FILIP1: variants seen among roughly 807,000 people sequenced by gnomAD.
FILIP1 encodes filamin-A-interacting protein 1.
In FILIP1, 61 loss-of-function variants were observed where a neutral mutation model predicts 102.1. The ratio of observed to expected loss-of-function variants is 0.60; its 90% confidence interval spans 0.49 to 0.74. FILIP1 has a LOEUF of 0.74. Ranked by LOEUF, FILIP1 falls within the 30% of genes least tolerant of loss-of-function variation. The pLI is 0.00. For synonymous variants in FILIP1, 491 were observed against 526.9 expected, an observed-to-expected ratio of 0.93 and a Z score of 0.93; for missense variants, 1,314 against 1,441.2, an observed-to-expected ratio of 0.91 and a Z score of 1.43.
chr6:75,399,426 G>C (rs990599598), intron 2 of FILIP1: 2 of 152,152 alleles, frequency 1.3e-5, no homozygotes, highest in African/African-American at 2.4e-5. Flanking sequence ...GGACTGCTAA[G>C]ACAATAGCAG....
intron 2 of FILIP1, among the ~76,000 whole-genome samples, chr6:75,365,513 A>G (rs575559030): frequency 1.3e-5 from 2 of 152,268 alleles, no homozygotes; most frequent in East Asian, 3.9e-4. Context: ...CAGCCTCCTG[A>G]GTAGCTGGGA....
chr6:75,472,504 T>A (rs150470084), intron 1 of FILIP1, among the ~76,000 whole-genome samples: 1 of 152,122 alleles, frequency 6.6e-6, no homozygotes, highest in Admixed American at 6.6e-5. Flanking sequence ...TGTGATAAGA[T>A]GTTAAAGGAC....
chr6:75,362,873 C>T lies in FILIP1; in HGVS notation c.321G>A (p.Lys107=), dbSNP rs150082742. The T allele has an allele frequency of 1.2e-6, 2 of 1,613,858 alleles. No individual in the cohort carries two copies. The highest frequency in any genetic ancestry group is 1.3e-5 in the African/African-American group (1 of 74,906). Residue 107 remains lysine (K), a synonymous_variant, in exon 3 of 6, where the codon AAG becomes AAA. Coordinates refer to ENST00000237172, the MANE Select transcript of FILIP1 (RefSeq NM_015687.5). ...CGTAATGAGCCTCCAGAACCTCAGG[C>T]TTGGTTTTCTCTGTCTTCAGCATGT... ...VIHMLKTEKT[K]PEVLEAHYGS... is the part of the protein sequence containing the mutation.
At chr6:75,477,680 A>T (rs1779521445) in intron 1 of FILIP1, among the ~76,000 whole-genome samples, 1 of 152,180 alleles carries the variant, frequency 6.6e-6, no homozygotes. Context: ...GAAGTTGAGT[A>T]CAAGGCCTAA....
intron 1 of FILIP1, among the ~76,000 whole-genome samples, chr6:75,447,751 C>T (rs763987010): frequency 1.1e-4 from 16 of 151,998 alleles, no homozygotes; most frequent in Non-Finnish European, 2.2e-4. Context: ...TTTCAGTGTG[C>T]CCTTAGCTAA....
At chr6:75,460,313 A>G (rs1441246189) in intron 1 of FILIP1, among the ~76,000 whole-genome samples, 1 of 152,258 alleles carries the variant, frequency 6.6e-6, no homozygotes, top group Admixed American at 6.5e-5. Context: ...AGAATTTAGT[A>G]GCACTCTGAA....
intron 1 of FILIP1, among the ~76,000 whole-genome samples, chr6:75,476,781 A>C (rs973412525): frequency 6.6e-6 from 1 of 152,200 alleles, no homozygotes; most frequent in Non-Finnish European, 1.5e-5. Flanking sequence ...CATAGTAGAC[A>C]CTATTCCTCC....
intron 6 of FILIP1, chr6:75,296,977 G>C (rs1772699912): frequency 6.6e-6 from 1 of 152,058 alleles, no homozygotes; most frequent in African/African-American, 2.4e-5. Context: ...TACTGTGCTA[G>C]GTAGGCATGG....
chr6:75,491,533 G>A (rs1779957570), intron 1 of FILIP1, among the ~76,000 whole-genome samples: 1 of 152,158 alleles, frequency 6.6e-6, no homozygotes, highest in Non-Finnish European at 1.5e-5. Context: ...GTAGGAGGGA[G>A]CAGCATTGTT....
At position 75,484,192 on chromosome 6, in the gene FILIP1, G is replaced by A. The variant is rs1779721551; in HGVS notation, c.-7+9222C>T. Among the ~76,000 whole-genome samples the A allele has an allele frequency of 3.9e-5, 6 of 152,148 alleles. No homozygotes were observed. The South Asian group carries it at 1.2e-3, about 32-fold the overall frequency. On this transcript the variant is annotated intron_variant, in intron 1 of 5. Coordinates refer to ENST00000237172, the MANE Select transcript of FILIP1 (RefSeq NM_015687.5). ...AGTCAAGATCTTAAAAGTAAGCCAG[G>A]CAACGATCCTGAGTGTCAGTTCTCT...
chr6:75,395,923 T>C (rs907505357), intron 2 of FILIP1, among the ~76,000 whole-genome samples: 1 of 152,076 alleles, frequency 6.6e-6, no homozygotes, highest in African/African-American at 2.4e-5. Context: ...TATGGAGAGT[T>C]GCCTTCTTTA....
intron 1 of FILIP1, among the ~76,000 whole-genome samples, chr6:75,463,136 GTC>G (rs1779071492): frequency 6.6e-6 from 1 of 152,194 alleles, no homozygotes; most frequent in South Asian, 2.1e-4. Context: ...GGGCCAAAGA[GTC>G]TGAGTTTAGT....
In FILIP1 at chr6:75,445,234, T is replaced by G. The variant is rs187114416; in HGVS notation, c.-6-30256A>C. 5.3e-4 allele frequency among the ~76,000 whole-genome samples: 80 copies of G among 152,212 alleles called. 1 individual carries two copies. Among genetic ancestry groups the G allele is most frequent in the African/African-American group, 1.8e-3 (74 of 41,520 alleles). On this transcript the variant is annotated intron_variant, in intron 1 of 5. Coordinates refer to ENST00000237172, the MANE Select transcript of FILIP1 (RefSeq NM_015687.5). ...CAATTCTCTGCTCAAGATTCTTGAG[T>G]CATTTGCCAAGATTCTTTGAGCTAT...
downstream of FILIP1, among the ~76,000 whole-genome samples, chr6:75,304,996 G>C (rs1772940579): frequency 6.6e-6 from 1 of 152,212 alleles, no homozygotes; most frequent in South Asian, 2.1e-4. Context: ...AGTAGCTACA[G>C]AGGACTGCAT....
At chr6:75,319,348 A>T (rs146061302) in intron 4 of FILIP1, 55 of 637,284 alleles carry the variant, frequency 8.6e-5, no homozygotes, top group African/African-American at 7.5e-4. Flanking sequence ...TACTCAGAGC[A>T]GAACATGAAA....
chr6:75,300,236 T>A (rs1442331716), intron 6 of FILIP1, among the ~76,000 whole-genome samples: 1 of 152,184 alleles, frequency 6.6e-6, no homozygotes, highest in African/African-American at 2.4e-5. Context: ...TAACAAGACG[T>A]TACATCAGCA....
chr6:75,434,670 A>G (rs547089581), intron 1 of FILIP1, among the ~76,000 whole-genome samples: 9 of 152,204 alleles, frequency 5.9e-5, no homozygotes, highest in African/African-American at 1.7e-4. Context: ...CTAATTGAAT[A>G]CTCTTTATTT....
chr6:75,417,461 G>A (rs1309443584), intron 1 of FILIP1, among the ~76,000 whole-genome samples: 2 of 152,148 alleles, frequency 1.3e-5, no homozygotes, highest in African/African-American at 2.4e-5. Context: ...GAATAACTAA[G>A]TCTGCTATAA....
At chr6:75,437,683 A>G (rs1318631688) in intron 1 of FILIP1, among the ~76,000 whole-genome samples, 13 of 152,244 alleles carry the variant, frequency 8.5e-5, no homozygotes, top group Non-Finnish European at 1.9e-4. Flanking sequence ...ACAAGGAGAG[A>G]TGTACTTATT....
Sources: allele counts gnomAD v4.1 joint callset (sites outside exome capture counted in the v4.1 genomes callset), GRCh38; gene constraint gnomAD v4.1.1; transcripts MANE v1.5; gene names NCBI Gene and HGNC (gene_info 2026-07-23, HGNC 2026-07-21).